Variants in SIPA1L1 observed in about 807,000 individuals in gnomAD.
SIPA1L1 encodes signal-induced proliferation-associated 1-like protein 1.
A neutral mutation model predicts 162.7 loss-of-function variants in SIPA1L1; 26 were observed. That is an observed-to-expected ratio of 0.16 (90% CI 0.12 to 0.22). The LOEUF is 0.22. Among genes scored for constraint, SIPA1L1 ranks in the 10% least tolerant of loss-of-function variants. SIPA1L1 has a pLI of 1.00. For missense variants in SIPA1L1, 1,874 were observed against 2,241.0 expected (o/e 0.84, Z 3.31); for synonymous variants, 829 against 837.4 (o/e 0.99, Z 0.17).
chr14:71,681,978 T>G (rs1596933249), intron 12 of SIPA1L1, among the ~76,000 whole-genome samples: 1 of 152,252 alleles, frequency 6.6e-6, no homozygotes, highest in Admixed American at 6.5e-5. Context: ...TAATTGGGTT[T>G]TATAAAAGTT....
chr14:71,529,388 C>G lies in SIPA1L1; in HGVS notation c.-303+18C>G, dbSNP rs2145264029. ...AGAATATAGTAAGTACTATGCCATA[C>G]TTCCTATGACCTACCTGCTTTACAA... On this transcript the variant is annotated intron_variant, in intron 4 of 23. Transcript: ENST00000381232. 1 of 632,872 alleles carries G rather than the reference C, an allele frequency of 1.6e-6. No individual in the cohort carries two copies. Among genetic ancestry groups the G allele is most frequent in the Admixed American group, 2.3e-5 (1 of 43,054 alleles). The allele number at this position is 632,872 out of a possible 1,614,324, so 39.2% of individuals were successfully genotyped here.
chr14:71,542,332 T>TTCCTCC (rs1330657445), intron 4 of SIPA1L1, among the ~76,000 whole-genome samples: 1 of 139,070 alleles, frequency 7.2e-6, no homozygotes, highest in Non-Finnish European at 1.6e-5. Context: ...CCTCTTCCTC[T>TTCCTCC]TCCTCCTCCT....
intron 5 of SIPA1L1, among the ~76,000 whole-genome samples, chr14:71,608,009 C>G (rs2037730602): frequency 6.6e-6 from 1 of 152,168 alleles, no homozygotes; most frequent in Admixed American, 6.5e-5. Context: ...ATTCTGAGCC[C>G]TGAAATTAGG....
chr14:71,634,516 A>T (rs1278142712), intron 7 of SIPA1L1, among the ~76,000 whole-genome samples: 1 of 151,548 alleles, frequency 6.6e-6, no homozygotes, highest in Non-Finnish European at 1.5e-5. Context: ...TTTTCAGGAG[A>T]TGGAAGAAAA....
At chr14:71,712,395 T>A (rs2082941143) in intron 17 of SIPA1L1, among the ~76,000 whole-genome samples, 1 of 152,212 alleles carries the variant, frequency 6.6e-6, no homozygotes, top group Non-Finnish European at 1.5e-5. Flanking sequence ...AAACGTCTAT[T>A]AATTGCTCTA....
intron 2 of SIPA1L1, among the ~76,000 whole-genome samples, chr14:71,427,344 G>A (rs549014627): frequency 6.6e-6 from 1 of 152,148 alleles, no homozygotes; most frequent in Admixed American, 6.5e-5. Context: ...TTTGCACTTT[G>A]AATATATCTT....
chr14:71,381,536 G>A (rs1226383845), intron 2 of SIPA1L1, among the ~76,000 whole-genome samples: 1 of 152,218 alleles, frequency 6.6e-6, no homozygotes, highest in Non-Finnish European at 1.5e-5. Flanking sequence ...ATAACTGAAT[G>A]TTTGTATTTG....
rs1470665233 is a variant in SIPA1L1, at chr14:71,740,765, G to T, written c.*1604G>T. 1 of 152,066 alleles carries T rather than the reference G, an allele frequency of 6.6e-6. No individual in the cohort carries two copies. 9.4% of individuals were successfully genotyped at this position (152,066 alleles called of 1,614,324 possible). A position where few individuals can be genotyped will look rare whatever the true frequency, so the allele number is the denominator to read the frequency against. ...AAATAGGAAGATTTCGGAGTGCTTT[G>T]TGAAGATTTCAATTGTCTGTCTCTT... On this transcript the variant is annotated 3_prime_UTR_variant, in exon 24 of 24. Coordinates refer to ENST00000381232, the MANE Select transcript of SIPA1L1 (RefSeq NM_001386936.1).
intron 2 of SIPA1L1, among the ~76,000 whole-genome samples, chr14:71,343,960 G>A (rs950933908): frequency 1.3e-5 from 2 of 152,228 alleles, no homozygotes; most frequent in African/African-American, 4.8e-5. Flanking sequence ...CTTCCCTCTA[G>A]GACAGAATAT....
intron 2 of SIPA1L1, among the ~76,000 whole-genome samples, chr14:71,380,609 TA>T (rs1178286633): frequency 6.6e-6 from 1 of 152,198 alleles, no homozygotes; most frequent in Non-Finnish European, 1.5e-5. Context: ...ACAGGACTCT[TA>T]AGTTTTTTGG....
intron 3 of SIPA1L1, among the ~76,000 whole-genome samples, chr14:71,518,239 A>G (rs1471608076): frequency 6.6e-6 from 1 of 152,030 alleles, no homozygotes; most frequent in Non-Finnish European, 1.5e-5. Flanking sequence ...AGCCAAGATC[A>G]TACCACTGCA....
intron 3 of SIPA1L1, among the ~76,000 whole-genome samples, chr14:71,521,664 A>G (rs2052368205): frequency 6.6e-6 from 1 of 152,240 alleles, no homozygotes; most frequent in African/African-American, 2.4e-5. Context: ...GTGTCCATTT[A>G]TGCTGGCTGT....
intron 16 of SIPA1L1, 70 bp downstream of exon 16, chr14:71,705,410 C>A: frequency 8.8e-7 from 1 of 1,137,914 alleles, no homozygotes; most frequent in Admixed American, 1.7e-5. Flanking sequence ...TATGAAAATG[C>A]TCTGCTCTTT....
chr14:71,569,158 G>T (rs117281016), intron 4 of SIPA1L1, among the ~76,000 whole-genome samples: 208 of 152,094 alleles, frequency 1.4e-3, no homozygotes, highest in Non-Finnish European at 2.5e-3. Context: ...AATGTATGAA[G>T]ACAGGTAAGG....
At chr14:71,615,189 A>G (rs1421731616) in intron 5 of SIPA1L1, among the ~76,000 whole-genome samples, 2 of 152,206 alleles carry the variant, frequency 1.3e-5, no homozygotes, top group Non-Finnish European at 2.9e-5. Context: ...TGTTCTCAGC[A>G]GATTTTTTTC....
At chr14:71,386,785 T>C (rs2040355772) in intron 2 of SIPA1L1, among the ~76,000 whole-genome samples, 1 of 152,206 alleles carries the variant, frequency 6.6e-6, no homozygotes, top group South Asian at 2.1e-4. Flanking sequence ...ATACATACCT[T>C]CAGTACCATT....
chr14:71,457,816 C>T (rs537007765), intron 2 of SIPA1L1, among the ~76,000 whole-genome samples: 4 of 151,318 alleles, frequency 2.6e-5, no homozygotes, highest in South Asian at 2.1e-4. Flanking sequence ...AGGCTGGTCT[C>T]GAACTCCTGA....
chr14:71,483,340 G>A lies in SIPA1L1; in HGVS notation c.-464-29403G>A, dbSNP rs147945362. Among the ~76,000 whole-genome samples the A allele has an allele frequency of 1.4e-4, 21 of 152,298 alleles. No individual in the cohort carries two copies. The East Asian group carries it at 3.3e-3, about 24-fold the overall frequency. On this transcript the variant is annotated intron_variant, in intron 2 of 23. Transcript: ENST00000381232. ...CTCTGTGGTATTTTAGGGTGAAGTT[G>A]CACTTTGCTCTTTGTGCGCACATTG...
chr14:71,653,588 A>G (rs548433190), intron 8 of SIPA1L1, among the ~76,000 whole-genome samples: 1 of 152,296 alleles, frequency 6.6e-6, no homozygotes, highest in African/African-American at 2.4e-5. Context: ...CCCAGGGGTC[A>G]TAGGGCTCAT....
Sources: gnomAD v4.1 joint callset for allele counts (sites outside exome capture counted in the v4.1 genomes callset) on GRCh38, gnomAD v4.1.1 for gene constraint, MANE v1.5 for transcripts, NCBI Gene and HGNC (gene_info 2026-07-23, HGNC 2026-07-21) for gene names.